PRKCE: variants seen among roughly 807,000 people sequenced by gnomAD.
The protein encoded by PRKCE is protein kinase C epsilon type.
A neutral mutation model predicts 85.4 loss-of-function variants in PRKCE; 16 were observed. The ratio of observed to expected loss-of-function variants is 0.19; its 90% confidence interval spans 0.13 to 0.28. The LOEUF (loss-of-function observed/expected upper bound fraction) is 0.28, where lower values mean the gene tolerates loss of function less well. Ranked by LOEUF, PRKCE falls within the 10% of genes least tolerant of loss-of-function variation. PRKCE has a pLI of 1.00. For synonymous variants in PRKCE, 388 were observed against 371.5 expected (o/e 1.04, Z -0.51); for missense variants, 573 against 975.2 (o/e 0.59, Z 5.49).
At chr2:45,669,260 A>G (rs1676047081) in intron 1 of PRKCE, among the ~76,000 whole-genome samples, 1 of 152,252 alleles carries the variant, frequency 6.6e-6, no homozygotes, top group South Asian at 2.1e-4. Flanking sequence ...TAAGACAGTG[A>G]TTCAGAAACA....
chr2:46,030,373 T>C (rs1393939380), intron 10 of PRKCE, among the ~76,000 whole-genome samples: 1 of 152,226 alleles, frequency 6.6e-6, no homozygotes, highest in Non-Finnish European at 1.5e-5. Context: ...CCTGCTTCCC[T>C]AGCTAAGTTT....
intron 5 of PRKCE, among the ~76,000 whole-genome samples, chr2:45,984,092 C>G (rs950653209): frequency 8.6e-5 from 13 of 152,002 alleles, no homozygotes; most frequent in Non-Finnish European, 1.9e-4. Context: ...CTCGCACCAC[C>G]ATGCCCGGCT....
intron 1 of PRKCE, among the ~76,000 whole-genome samples, chr2:45,722,514 A>G (rs1680707421): frequency 6.6e-6 from 1 of 152,224 alleles, no homozygotes; most frequent in Non-Finnish European, 1.5e-5. Flanking sequence ...CACTGCTTAC[A>G]TTTAAACCTA....
intron 1 of PRKCE, among the ~76,000 whole-genome samples, chr2:45,836,309 T>C (rs902176647): frequency 6.6e-6 from 1 of 152,238 alleles, no homozygotes; most frequent in Non-Finnish European, 1.5e-5. Context: ...ATAAGCCCAT[T>C]AACAGAATAG....
chr2:46,171,835 G>A (rs928003281), intron 14 of PRKCE, among the ~76,000 whole-genome samples: 5 of 152,178 alleles, frequency 3.3e-5, no homozygotes, highest in Non-Finnish European at 7.3e-5. Flanking sequence ...AGATGCGCAT[G>A]TGGAGCTCCG....
At chr2:45,843,116 C>T in intron 2 of PRKCE, 53 bp downstream of exon 2, 1 of 1,513,356 alleles carries the variant, frequency 6.6e-7, no homozygotes, top group East Asian at 2.3e-5. Context: ...CCTTTGCCTT[C>T]TGGGTCTCTT....
At chr2:45,769,652 GTTCTT>G (rs1685165824) in intron 1 of PRKCE, among the ~76,000 whole-genome samples, 2 of 152,154 alleles carry the variant, frequency 1.3e-5, no homozygotes, top group Non-Finnish European at 2.9e-5. Flanking sequence ...GAGTTTGTAA[GTTCTT>G]TTCTTTTCTA....
At chr2:45,741,425 G>T (rs73926042) in intron 1 of PRKCE, among the ~76,000 whole-genome samples, 9 of 151,656 alleles carry the variant, frequency 5.9e-5, no homozygotes, top group African/African-American at 2.2e-4. Context: ...GTCTTGGGCC[G>T]ACTGGGGACA....
intron 2 of PRKCE, among the ~76,000 whole-genome samples, chr2:45,875,575 T>C (rs1469312785): frequency 1.3e-5 from 2 of 152,230 alleles, no homozygotes; most frequent in Non-Finnish European, 2.9e-5. Context: ...AGGAGGCTTG[T>C]ATAGAAGAGG....
chr2:45,981,826 A>C (rs551027859), intron 5 of PRKCE, among the ~76,000 whole-genome samples: 1 of 152,310 alleles, frequency 6.6e-6, no homozygotes, highest in South Asian at 2.1e-4. Context: ...CCCTCCCTCA[A>C]GGATCTCAGT....
In PRKCE at chr2:45,818,008, G is replaced by A. The variant is rs1219329449; in HGVS notation, c.349-24992G>A. On this transcript the variant is annotated intron_variant, in intron 1 of 14. Transcript: ENST00000306156. Reference sequence around the variant, plus strand: ...CTTCTCAGCCCCGGAGCTGAGCAGAGTTTAAATCACTTCGATCCTTAGAGT... The same window carrying A: ...CTTCTCAGCCCCGGAGCTGAGCAGAATTTAAATCACTTCGATCCTTAGAGT... Among the ~76,000 whole-genome samples the A allele has an allele frequency of 2.0e-5, 3 of 152,206 alleles. No individual in the cohort carries two copies. In the East Asian group the frequency reaches 5.8e-4, roughly 29 times the overall value.
At chr2:45,951,332 T>TA (rs571542133) in intron 2 of PRKCE, among the ~76,000 whole-genome samples, 301 of 152,332 alleles carry the variant, frequency 2.0e-3, no homozygotes, top group Non-Finnish European at 2.6e-3. Context: ...AACAGCTTCA[T>TA]ACAGACTGTC....
At chr2:45,716,152 G>A (rs940039346) in intron 1 of PRKCE, among the ~76,000 whole-genome samples, 8 of 152,222 alleles carry the variant, frequency 5.3e-5, no homozygotes, top group African/African-American at 1.7e-4. Context: ...CCCTGGGATG[G>A]TTGTTTCTCC....
intron 10 of PRKCE, among the ~76,000 whole-genome samples, chr2:46,031,176 G>C (rs143765779): frequency 1.2e-3 from 185 of 152,262 alleles, no homozygotes; most frequent in African/African-American, 4.2e-3. Flanking sequence ...AAAAGAACTT[G>C]CCCACTTTTG....
chr2:45,796,802 A>T (rs1011253558), intron 1 of PRKCE, among the ~76,000 whole-genome samples: 2 of 152,170 alleles, frequency 1.3e-5, no homozygotes, highest in Non-Finnish European at 2.9e-5. Flanking sequence ...TGTTTTGTAG[A>T]GATGGGGGTC....
At chr2:45,866,468 T>A (rs1188158264) in intron 2 of PRKCE, among the ~76,000 whole-genome samples, 4 of 152,090 alleles carry the variant, frequency 2.6e-5, no homozygotes, top group African/African-American at 9.7e-5. Flanking sequence ...CCACCATGCC[T>A]GGCTAATTTT....
intron 1 of PRKCE, among the ~76,000 whole-genome samples, chr2:45,677,578 G>A (rs1389686662): frequency 1.3e-5 from 2 of 152,074 alleles, no homozygotes; most frequent in African/African-American, 2.4e-5. Flanking sequence ...GGATGGTCTC[G>A]ATCTCCTGAC....
chr2:46,128,565 G>A (rs970831819), intron 11 of PRKCE, among the ~76,000 whole-genome samples: 2 of 152,296 alleles, frequency 1.3e-5, no homozygotes, highest in South Asian at 2.1e-4. Flanking sequence ...CCTGGGAGAC[G>A]TCACGTTCTC....
chr2:45,788,247 A>G (rs1319596379), intron 1 of PRKCE, among the ~76,000 whole-genome samples: 1 of 152,084 alleles, frequency 6.6e-6, no homozygotes, highest in East Asian at 1.9e-4. Flanking sequence ...TATTATTACT[A>G]TTTTGGATGG....
Sources: allele counts gnomAD v4.1 joint callset (sites outside exome capture counted in the v4.1 genomes callset), GRCh38; gene constraint gnomAD v4.1.1; transcripts MANE v1.5; gene names NCBI Gene and HGNC (gene_info 2026-07-23, HGNC 2026-07-21).